The following UBE2D2 variants were observed in gnomAD, a reference collection of about 807,000 sequenced individuals.
UBE2D2 encodes the protein ubiquitin conjugating enzyme E2 D2.
Under a neutral mutation model 24.2 loss-of-function variants are expected in UBE2D2, and 2 were observed. The observed-to-expected ratio is 0.08, with a 90% CI of 0.03 to 0.26. The LOEUF (loss-of-function observed/expected upper bound fraction) is 0.26, where lower values mean the gene tolerates loss of function less well. Among genes scored for constraint, UBE2D2 ranks in the 10% least tolerant of loss-of-function variants. The probability of loss-of-function intolerance (pLI) is 1.00; values close to 1 mark genes in which losing one functional copy is unlikely to be tolerated. For missense variants in UBE2D2, 44 were observed against 177.6 expected (o/e 0.25, Z 4.28); for synonymous variants, 58 against 56.5 (o/e 1.03, Z -0.12).
intron 2 of UBE2D2, among the ~76,000 whole-genome samples, chr5:139,600,789 C>G (rs403583): frequency 6.6e-6 from 1 of 151,968 alleles, no homozygotes; most frequent in Non-Finnish European, 1.5e-5. Flanking sequence ...CTCATACTTG[C>G]GAAATCAGGT....
At chr5:139,596,261 T>A (rs1236663460) in intron 1 of UBE2D2, among the ~76,000 whole-genome samples, 1 of 151,528 alleles carries the variant, frequency 6.6e-6, no homozygotes, top group Non-Finnish European at 1.5e-5. Context: ...TTTTCTTTTT[T>A]AAAAAAGATC....
At chr5:139,593,530 T>C (rs1753896904) in intron 1 of UBE2D2, among the ~76,000 whole-genome samples, 1 of 152,122 alleles carries the variant, frequency 6.6e-6, no homozygotes, top group African/African-American at 2.4e-5. Flanking sequence ...TACATTGTTA[T>C]ATATACATTG....
Position 139,628,310 on chromosome 5 carries a change from C to T in UBE2D2, c.*1509C>T, listed in dbSNP as rs1754672021. ...TTACCTTTTTTCCCCCCTTCTTTTC[C>T]TAATTGTAAACTAGGCCAACCTGAA... On this transcript the variant is annotated 3_prime_UTR_variant, in exon 7 of 7. Transcript: ENST00000398733. The T allele has an allele frequency of 6.6e-6, 1 of 152,662 alleles. No homozygotes were observed. The highest frequency in any genetic ancestry group is 1.5e-5 in the Non-Finnish European group (1 of 68,020). 9.5% of individuals were successfully genotyped at this position (152,662 alleles called of 1,614,324 possible).
intron 1 of UBE2D2, chr5:139,562,442 A>T: frequency 7.7e-7 from 1 of 1,290,716 alleles, no homozygotes; most frequent in Non-Finnish European, 1.0e-6. Flanking sequence ...GTAGAGGGAG[A>T]ATCATTTTAT....
chr5:139,558,428 C>T (rs1753008839), upstream of UBE2D2, among the ~76,000 whole-genome samples: 1 of 152,142 alleles, frequency 6.6e-6, no homozygotes, highest in African/African-American at 2.4e-5. Context: ...GCTGGGACTA[C>T]AGGCGCCCGC....
chr5:139,591,815 T>C (rs1460119873), intron 1 of UBE2D2, among the ~76,000 whole-genome samples: 1 of 152,198 alleles, frequency 6.6e-6, no homozygotes, highest in Non-Finnish European at 1.5e-5. Context: ...AAAAATTAAA[T>C]TGTTTCTGTT....
chr5:139,540,852 G>A (rs563064789), intron 1 of UBE2D2, among the ~76,000 whole-genome samples: 3 of 151,870 alleles, frequency 2.0e-5, no homozygotes, highest in African/African-American at 7.2e-5. Flanking sequence ...AAATTTGCTG[G>A]GCATGGTGGC....
intron 2 of UBE2D2, among the ~76,000 whole-genome samples, chr5:139,603,937 G>T (rs1019011968): frequency 6.6e-6 from 1 of 151,830 alleles, no homozygotes; most frequent in Admixed American, 6.6e-5. Context: ...CAACAAGACT[G>T]AAACTCCGTC....
rs60623030 is a variant in UBE2D2, at chr5:139,537,184, CAA to C, written c.-64+10585_-64+10586del. 5.2e-3 allele frequency among the ~76,000 whole-genome samples: 388 copies of C among 75,266 alleles called. 2 individuals are homozygous for C. Among genetic ancestry groups the C allele is most frequent in the African/African-American group, 0.017 (345 of 20,590 alleles). 49.4% of individuals were successfully genotyped at this position (75,266 alleles called of 152,430 possible). A position where few individuals can be genotyped will look rare whatever the true frequency, so the allele number is the denominator to read the frequency against. On this transcript the variant is annotated intron_variant, in intron 1 of 6. Coordinates refer to the UBE2D2 transcript ENST00000511725. ...GGAGACAGAGCGAGACTCTGTCTCA[CAA>C]AAAAAAAAAAAACAACAAAAAGTAA...
chr5:139,594,346 T>C (rs1753915052), intron 1 of UBE2D2, among the ~76,000 whole-genome samples: 1 of 152,194 alleles, frequency 6.6e-6, no homozygotes, highest in African/African-American at 2.4e-5. Flanking sequence ...TGTTGTGATA[T>C]ATATATATGT....
intron 1 of UBE2D2, among the ~76,000 whole-genome samples, chr5:139,599,762 A>C (rs945974520): frequency 1.3e-5 from 2 of 151,982 alleles, no homozygotes; most frequent in Non-Finnish European, 2.9e-5. Flanking sequence ...AACAAACAAA[A>C]AAAACAGTAT....
At chr5:139,530,237 C>T (rs2126625579) in intron 1 of UBE2D2, among the ~76,000 whole-genome samples, 1 of 152,198 alleles carries the variant, frequency 6.6e-6, no homozygotes, top group East Asian at 1.9e-4. Context: ...CTGGACGGCC[C>T]CCACCAGGTT....
At chr5:139,540,117 C>T (rs1029504562) in intron 1 of UBE2D2, among the ~76,000 whole-genome samples, 8 of 151,930 alleles carry the variant, frequency 5.3e-5, no homozygotes, top group African/African-American at 1.9e-4. Flanking sequence ...TGGTGTTTCA[C>T]CATGTTGGCC....
intron 1 of UBE2D2, among the ~76,000 whole-genome samples, chr5:139,546,821 CCTTCCT>C (rs1752835646): frequency 2.1e-4 from 1 of 4,830 alleles, no homozygotes; most frequent in African/African-American, 1.8e-3. Flanking sequence ...TTTCTTTCTT[CCTTCCT>C]TCCTTCCTTC....
chr5:139,619,457 CTA>C (rs1754472754), intron 5 of UBE2D2, among the ~76,000 whole-genome samples: 2 of 151,092 alleles, frequency 1.3e-5, no homozygotes, highest in South Asian at 4.2e-4. Flanking sequence ...AGTGAAGAGA[CTA>C]TACAGGTTAT....
At chr5:139,594,532 G>A (rs752505619) in intron 1 of UBE2D2, among the ~76,000 whole-genome samples, 10 of 151,868 alleles carry the variant, frequency 6.6e-5, no homozygotes, top group African/African-American at 2.4e-4. Context: ...TCCTGCCTCA[G>A]CCTCCTGGGT....
intron 1 of UBE2D2, among the ~76,000 whole-genome samples, chr5:139,563,571 G>A (rs1753155409): frequency 6.6e-6 from 1 of 152,154 alleles, no homozygotes; most frequent in Non-Finnish European, 1.5e-5. Flanking sequence ...ACCTGTAGAA[G>A]CTTGTCCTCT....
chr5:139,546,823 TTCCTTC>T lies in UBE2D2; in HGVS notation c.-64+20212_-64+20217del, dbSNP rs1561498195. 2.5e-3 allele frequency among the ~76,000 whole-genome samples: 36 copies of T among 14,140 alleles called. 1 individual carries two copies. Among genetic ancestry groups the T allele is most frequent in the South Asian group, 0.023 (10 of 436 alleles). 9.3% of individuals were successfully genotyped at this position (14,140 alleles called of 152,430 possible). On this transcript the variant is annotated intron_variant, in intron 1 of 6. Transcript: ENST00000511725. ...TCTTTCTTTCTTCTTTCTTTCTTCCTTCCTTCCTTCCTTCCTTCCTTCCTTCCTTCC... is the reference window on the plus strand; with the variant it reads ...TCTTTCTTTCTTCTTTCTTTCTTCCTCTTCCTTCCTTCCTTCCTTCCTTCC...
intron 2 of UBE2D2, among the ~76,000 whole-genome samples, chr5:139,604,415 G>A (rs1476703896): frequency 6.6e-6 from 1 of 151,982 alleles, no homozygotes; most frequent in African/African-American, 2.4e-5. Context: ...TGGAATTACA[G>A]GCATGAGCCA....
Sources: gnomAD v4.1 joint callset for allele counts (sites outside exome capture counted in the v4.1 genomes callset) on GRCh38, gnomAD v4.1.1 for gene constraint, MANE v1.5 for transcripts, NCBI Gene and HGNC (gene_info 2026-07-23, HGNC 2026-07-21) for gene names.